The following ELP4 variants were observed in gnomAD, a reference collection of about 807,000 sequenced individuals.
ELP4 encodes elongator complex protein 4.
In ELP4, 51 loss-of-function variants were observed where a neutral mutation model predicts 48.9. The observed-to-expected ratio is 1.04, with a 90% CI of 0.83 to 1.32. The LOEUF is 1.32. Among genes scored for constraint, ELP4 ranks in the 40% most tolerant of loss-of-function variants. The probability of loss-of-function intolerance (pLI) is 0.00; values close to 1 mark genes in which losing one functional copy is unlikely to be tolerated. For synonymous variants in ELP4, 210 were observed against 189.2 expected (o/e 1.11, Z -0.90); for missense variants, 519 against 514.6 (o/e 1.01, Z -0.08).
chr11:31,584,758 C>A (rs1179557370), intron 3 of ELP4, among the ~76,000 whole-genome samples: 1 of 152,108 alleles, frequency 6.6e-6, no homozygotes, highest in African/African-American at 2.4e-5. Flanking sequence ...CTCCTGACCT[C>A]AGGTAATATG....
intron 9 of ELP4, chr11:31,714,599 A>G (rs1005185922): frequency 7.5e-6 from 3 of 398,476 alleles, no homozygotes; most frequent in African/African-American, 4.1e-5. Context: ...TGGGTTGAAC[A>G]ATACAAATTT....
Position 31,570,020 on chromosome 11 carries a change from G to A in ELP4, c.382-24750G>A, listed in dbSNP as rs551462665. 7.2e-5 allele frequency among the ~76,000 whole-genome samples: 11 copies of A among 152,230 alleles called. No individual in the cohort carries two copies. In the East Asian group the frequency reaches 7.7e-4, roughly 11 times the overall value. On this transcript the variant is annotated intron_variant, in intron 3 of 9. Transcript: ENST00000640961. The stretch of plus-strand genomic sequence containing the variant: ...CAATTCCATTACTGGGTACATACCC[G>A]GAGGAAAATAAATCATTCTGCCAAA...
intron 9 of ELP4, among the ~76,000 whole-genome samples, chr11:31,725,611 C>T (rs941019749): frequency 1.3e-5 from 2 of 152,194 alleles, no homozygotes; most frequent in African/African-American, 4.8e-5. Flanking sequence ...TCTCTTGGAG[C>T]CCCACCCAGC....
At chr11:31,511,433 C>A (rs575949771) in intron 1 of ELP4, 1 of 152,204 alleles carries the variant, frequency 6.6e-6, no homozygotes, top group African/African-American at 2.4e-5. Context: ...ATTAGAATAA[C>A]AAAATGTTCC....
At chr11:31,682,175 T>A (rs760884632) in intron 9 of ELP4, 185 of 955,080 alleles carry the variant, frequency 1.9e-4, no homozygotes, top group Non-Finnish European at 2.4e-4. Context: ...CTAAGAGAGA[T>A]TTAAGTGAAG....
intron 9 of ELP4, among the ~76,000 whole-genome samples, chr11:31,684,536 TAGG>T (rs1946123067): frequency 6.6e-6 from 1 of 152,126 alleles, no homozygotes. Context: ...CATAGCAATG[TAGG>T]AGAACTACCC....
At chr11:31,576,152 T>A (rs1337758549) in intron 3 of ELP4, among the ~76,000 whole-genome samples, 6 of 152,168 alleles carry the variant, frequency 3.9e-5, no homozygotes, top group African/African-American at 1.4e-4. Context: ...TAGTCTCTGA[T>A]AAAACAGACT....
intron 3 of ELP4, among the ~76,000 whole-genome samples, chr11:31,577,474 C>CACA (rs1017736393): frequency 3.3e-5 from 5 of 151,860 alleles, no homozygotes; most frequent in Admixed American, 3.3e-4. Flanking sequence ...CTGGCAGAGA[C>CACA]ACAACAACAA....
intron 9 of ELP4, among the ~76,000 whole-genome samples, chr11:31,693,575 G>T (rs1287158515): frequency 6.6e-6 from 1 of 152,108 alleles, no homozygotes; most frequent in Non-Finnish European, 1.5e-5. Flanking sequence ...TGGACATTTG[G>T]GTTGGTTCCA....
At chr11:31,751,310 T>G (rs549850012) in intron 9 of ELP4, among the ~76,000 whole-genome samples, 1 of 152,336 alleles carries the variant, frequency 6.6e-6, no homozygotes, top group Non-Finnish European at 1.5e-5. Context: ...TGTCCAGCAC[T>G]TTTCCAACTT....
At chr11:31,700,483 G>A (rs1010592354) in intron 9 of ELP4, among the ~76,000 whole-genome samples, 3 of 152,050 alleles carry the variant, frequency 2.0e-5, no homozygotes, top group Admixed American at 6.6e-5. Flanking sequence ...GTAGACAAAC[G>A]AGTTAAGATT....
At chr11:31,609,882 C>G (rs964244397) in intron 5 of ELP4, among the ~76,000 whole-genome samples, 1 of 151,682 alleles carries the variant, frequency 6.6e-6, no homozygotes, top group Non-Finnish European at 1.5e-5. Flanking sequence ...CAAAAACAAA[C>G]AAACAAAAAA....
At chr11:31,646,774 G>A (rs1031897279) in intron 7 of ELP4, 1 of 151,050 alleles carries the variant, frequency 6.6e-6, no homozygotes, top group African/African-American at 2.4e-5. Context: ...GATCTGCCAA[G>A]CAAAAAATTG....
chr11:31,770,070 C>T (rs760558309), intron 9 of ELP4, among the ~76,000 whole-genome samples: 1 of 152,094 alleles, frequency 6.6e-6, no homozygotes. Flanking sequence ...CTTCTAGTTA[C>T]GGCAATAGCA....
intron 9 of ELP4, among the ~76,000 whole-genome samples, chr11:31,743,676 A>T (rs987989276): frequency 6.6e-6 from 1 of 152,234 alleles, no homozygotes. Flanking sequence ...GAAGGCAGAA[A>T]TAAAGATGTT....
intron 5 of ELP4, among the ~76,000 whole-genome samples, chr11:31,610,544 T>G (rs988114843): frequency 2.0e-5 from 3 of 152,188 alleles, no homozygotes; most frequent in Non-Finnish European, 4.4e-5. Context: ...GTGTCTATTG[T>G]TCCCACCTTT....
chr11:31,713,008 T>G (rs999809344), intron 9 of ELP4, among the ~76,000 whole-genome samples: 1 of 152,170 alleles, frequency 6.6e-6, no homozygotes, highest in African/African-American at 2.4e-5. Context: ...TTCACATTGC[T>G]TTTGTTTGTT....
intron 3 of ELP4, among the ~76,000 whole-genome samples, chr11:31,543,748 G>C (rs1044693289): frequency 6.6e-6 from 1 of 152,116 alleles, no homozygotes; most frequent in African/African-American, 2.4e-5. Context: ...CCAACTTTTA[G>C]GCAATACAAA....
At chr11:31,517,483 A>G (rs1052652237) in intron 1 of ELP4, among the ~76,000 whole-genome samples, 2 of 152,100 alleles carry the variant, frequency 1.3e-5, no homozygotes, top group African/African-American at 2.4e-5. Context: ...AACTTTTGTT[A>G]CTAAGTTTTT....
Sources: allele counts gnomAD v4.1 joint callset (sites outside exome capture counted in the v4.1 genomes callset), GRCh38; gene constraint gnomAD v4.1.1; transcripts MANE v1.5; gene names NCBI Gene and HGNC (gene_info 2026-07-23, HGNC 2026-07-21).